ACSS2: variants seen among roughly 807,000 people sequenced by gnomAD.
The protein encoded by ACSS2 is acetyl-coenzyme A synthetase, cytoplasmic.
A neutral mutation model predicts 90.6 loss-of-function variants in ACSS2; 58 were observed. That is an observed-to-expected ratio of 0.64 (90% confidence interval 0.52 to 0.80). The LOEUF is 0.80. ACSS2 is among the 30% of genes least tolerant of loss of function. The pLI is 0.00. For synonymous variants in ACSS2, 300 were observed against 330.9 expected, an observed-to-expected ratio of 0.91 and a Z score of 1.01; for missense variants, 759 against 912.0, an observed-to-expected ratio of 0.83 and a Z score of 2.16.
At chr20:34,925,599 T>A in intron 14 of ACSS2, 99 bp from the exon 15 acceptor site, 1 of 1,322,446 alleles carries the variant, frequency 7.6e-7, no homozygotes, top group Non-Finnish European at 1.0e-6. Flanking sequence ...GCAGGAAGAC[T>A]TGTTAGAAGG....
intron 2 of ACSS2, among the ~76,000 whole-genome samples, chr20:34,886,464 CA>C (rs972260107): frequency 6.8e-5 from 10 of 147,618 alleles, no homozygotes; most frequent in Middle Eastern, 3.5e-3. Context: ...ACTAAAAATA[CA>C]AAAAAAAAAT....
intron 13 of ACSS2, 93 bp downstream of exon 13, chr20:34,921,959 G>A: frequency 6.6e-7 from 1 of 1,526,588 alleles, no homozygotes; most frequent in Non-Finnish European, 8.8e-7. Flanking sequence ...ATCTCTCCTG[G>A]TAGCTGCTTA....
At position 34,878,479 on chromosome 20, in the gene ACSS2, G is replaced by A. The variant is rs142076134; in HGVS notation, c.178+1656G>A. ...GGTCTAAAGTGTGTAATAAGTATGC[G>A]CTATAACATGCCTGATGCACAGTAC... is the stretch of plus-strand genomic sequence containing the variant. On this transcript the variant is annotated intron_variant, in intron 1 of 17. Transcript: ENST00000360596. 1.4e-3 allele frequency among the ~76,000 whole-genome samples: 219 copies of A among 152,226 alleles called. 1 individual carries two copies. The highest frequency in any genetic ancestry group is 5.0e-3 in the African/African-American group (207 of 41,542).
chr20:34,901,578 G>T lies in ACSS2; in HGVS notation c.375-11518G>T, dbSNP rs78426399. Among the ~76,000 whole-genome samples the T allele has an allele frequency of 2.6e-5, 4 of 152,292 alleles. No individual in the cohort carries two copies. In the East Asian group the frequency reaches 7.7e-4, roughly 29 times the overall value. ...TGGTGAAAGGGAAATTGACTTGTGG[G>T]TATACTTATATCTTGAGTGCTCCAC... On this transcript the variant is annotated intron_variant, in intron 2 of 17. Transcript: ENST00000360596.
chr20:34,913,027 ACT>A (rs1568989862), intron 2 of ACSS2, 67 bp from the exon 3 acceptor site: 1 of 1,202,678 alleles, frequency 8.3e-7, no homozygotes, highest in East Asian at 2.3e-5. Context: ...GGATTTTATG[ACT>A]CTGCCTGTTT....
intron 14 of ACSS2, among the ~76,000 whole-genome samples, chr20:34,925,261 T>C (rs1483855094): frequency 6.6e-6 from 1 of 152,156 alleles, no homozygotes; most frequent in Non-Finnish European, 1.5e-5. Flanking sequence ...ATCTGAAGGT[T>C]TGAGTGAGCC....
chr20:34,913,856 C>A, intron 5 of ACSS2, 31 bp downstream of exon 5: 2 of 1,596,586 alleles, frequency 1.3e-6, no homozygotes, highest in Non-Finnish European at 1.7e-6. Context: ...TTCTCCAGAA[C>A]CCCCCATACC....
Position 34,920,519 on chromosome 20 carries a change from G to T in ACSS2, c.973-20G>T, listed in dbSNP as rs1269340439. The stretch of plus-strand genomic sequence containing the variant: ...AGGGGTGGGCATAAGACCCTAACCT[G>T]TTCCCCATTCTTCCCACAGGGTGTG... On this transcript the variant is annotated intron_variant, in intron 8 of 17. Coordinates refer to ENST00000360596, the MANE Select transcript of ACSS2 (RefSeq NM_018677.4). 2 of 1,611,736 alleles carry T rather than the reference G, an allele frequency of 1.2e-6. No homozygotes were observed. The highest frequency in any genetic ancestry group is 1.7e-6 in the Non-Finnish European group (2 of 1,179,624).
At chr20:34,898,079 C>T (rs184764905) in intron 2 of ACSS2, among the ~76,000 whole-genome samples, 3 of 152,186 alleles carry the variant, frequency 2.0e-5, no homozygotes, top group Admixed American at 2.0e-4. Context: ...GGTTTGTGGT[C>T]TCGCTGGCTC....
chr20:34,906,010 T>C (rs2080791572), intron 2 of ACSS2, among the ~76,000 whole-genome samples: 1 of 152,106 alleles, frequency 6.6e-6, no homozygotes, highest in Admixed American at 6.5e-5. Flanking sequence ...GATCTCAGAG[T>C]TAAGAGACTA....
At chr20:34,911,026 T>A (rs951987513) in intron 2 of ACSS2, among the ~76,000 whole-genome samples, 3 of 152,016 alleles carry the variant, frequency 2.0e-5, no homozygotes, top group African/African-American at 7.2e-5. Context: ...AATGAGGTTT[T>A]GCTGTGTTGC....
chr20:34,920,911 C>A lies in ACSS2; in HGVS notation c.1144-95C>A, dbSNP rs567587132. ...GCCAGGGAGTGAAGATATGGTTGGTCAGAAAGGGCAAAATACTGAACCTGA... is the reference window on the plus strand; with the variant it reads ...GCCAGGGAGTGAAGATATGGTTGGTAAGAAAGGGCAAAATACTGAACCTGA... On this transcript the variant is annotated intron_variant, in intron 9 of 17. Coordinates refer to ENST00000360596, the MANE Select transcript of ACSS2 (RefSeq NM_018677.4). 97 of 1,570,490 alleles carry A rather than the reference C, an allele frequency of 6.2e-5. No individual in the cohort carries two copies. The South Asian group carries it at 9.9e-4, about 16-fold the overall frequency.
chr20:34,920,464 G>A, intron 8 of ACSS2, 75 bp from the exon 9 acceptor site: 1 of 1,476,084 alleles, frequency 6.8e-7, no homozygotes, highest in Non-Finnish European at 9.2e-7. Context: ...TCTTCCTCCA[G>A]CTCTGCCCAG....
chr20:34,925,882 A>C, intron 15 of ACSS2, 116 bp downstream of exon 15: 1 of 1,261,694 alleles, frequency 7.9e-7, no homozygotes, highest in Non-Finnish European at 1.1e-6. Context: ...TACTAAGTGT[A>C]GCATTCAGTT....
At position 34,921,187 on chromosome 20, in the gene ACSS2, G is replaced by A. The variant is rs769669140; in HGVS notation, c.1277+48G>A. On this transcript the variant is annotated intron_variant, in intron 10 of 17. Coordinates refer to ENST00000360596, the MANE Select transcript of ACSS2 (RefSeq NM_018677.4). ...GCCCTGTGGGTATCCCTCAGAGCTG[G>A]GTGCTGGCCTTTGTACAGTCTCTTC... 2.5e-6 allele frequency: 4 copies of A among 1,613,272 alleles called. No homozygotes were observed. The East Asian group carries it at 8.9e-5, about 36-fold the overall frequency.
chr20:34,920,778 C>A, intron 9 of ACSS2, 69 bp downstream of exon 9: 1 of 1,544,580 alleles, frequency 6.5e-7, no homozygotes, highest in South Asian at 1.2e-5. Context: ...CCTCCCAAGG[C>A]TGCTTGGTCT....
rs72042821 is a variant in ACSS2, at chr20:34,924,682, T to TTTGTTG, written c.1658-998_1658-993dup. ...TCAAAGTACAGTGGGAAACCTTTTT[T>TTTGTTG]TTGTTGTTGTTGTTGTTGTTGTTTG... On this transcript the variant is annotated intron_variant, in intron 14 of 17. Transcript: ENST00000360596. 4.7e-5 allele frequency among the ~76,000 whole-genome samples: 7 copies of TTTGTTG among 149,380 alleles called. No individual in the cohort carries two copies. In the East Asian group the frequency reaches 1.4e-3, roughly 29 times the overall value.
At position 34,876,773 on chromosome 20, in the gene ACSS2, C is replaced by T; in HGVS notation, c.128C>T (p.Ser43Leu). 4 of 1,389,826 alleles carry T rather than the reference C, an allele frequency of 2.9e-6. No individual in the cohort carries two copies. Among genetic ancestry groups the T allele is most frequent in the Non-Finnish European group, 3.8e-6 (4 of 1,063,688 alleles). 86.1% of individuals were successfully genotyped at this position (1,389,826 alleles called of 1,614,324 possible). A position where few individuals can be genotyped will look rare whatever the true frequency, so the allele number is the denominator to read the frequency against. ...PEVSRSAHVP[S>L]LQRYRELHRR... ...GTCAGCCGCTCCGCGCACGTCCCCTCGCTGCAGCGCTACCGCGAGCTGCAC... is the reference window on the plus strand; with the variant it reads ...GTCAGCCGCTCCGCGCACGTCCCCTTGCTGCAGCGCTACCGCGAGCTGCAC... Residue 43 changes from serine (S) to leucine (L), a missense_variant, in exon 1 of 18, where the codon TCG (serine) becomes TTG (leucine). Transcript: ENST00000360596.
rs747486877 is a variant in ACSS2 at position 34,876,725 on chromosome 20, G to C, written c.80G>C (p.Arg27Pro). The C allele has an allele frequency of 9.8e-5, 141 of 1,444,670 alleles. No homozygotes were observed. Among genetic ancestry groups the C allele is most frequent in the Non-Finnish European group, 1.2e-4 (130 of 1,090,544 alleles). 89.5% of individuals were successfully genotyped at this position (1,444,670 alleles called of 1,614,324 possible). A position where few individuals can be genotyped will look rare whatever the true frequency, so the allele number is the denominator to read the frequency against. The change falls in exon 1 of 18, where the codon CGG becomes CCG. Residue 27 changes from arginine to proline, a missense_variant. Coordinates refer to ENST00000360596, the MANE Select transcript of ACSS2 (RefSeq NM_018677.4). The stretch of plus-strand genomic sequence containing the variant: ...GAAGCTGGAGCCGGAGGCCGGGCGC[G>C]GAGTTGGTCTCCGCCGCCCGAGGTC... ...QEEAGAGGRA[R>P]SWSPPPEVSR...
Sources: gnomAD v4.1 joint callset for allele counts (sites outside exome capture counted in the v4.1 genomes callset) on GRCh38, gnomAD v4.1.1 for gene constraint, MANE v1.5 for transcripts, NCBI Gene and HGNC (gene_info 2026-07-23, HGNC 2026-07-21) for gene names.